The following DRICH1 variants were observed in gnomAD, a reference collection of about 807,000 sequenced individuals.
DRICH1 encodes the protein aspartate-rich protein 1.
DRICH1 carries 38 observed loss-of-function variants against 39.5 expected under a neutral mutation model. That is an observed-to-expected ratio of 0.96 (90% confidence interval 0.74 to 1.26). DRICH1 has a LOEUF of 1.26. Among genes scored for constraint, DRICH1 ranks in the 50% most tolerant of loss-of-function variants. The probability of loss-of-function intolerance (pLI) is 0.00; values close to 1 mark genes in which losing one functional copy is unlikely to be tolerated. For synonymous variants in DRICH1, 84 were observed against 99.5 expected, an observed-to-expected ratio of 0.84 and a Z score of 0.93; for missense variants, 279 against 270.4, an observed-to-expected ratio of 1.03 and a Z score of -0.22.
At chr22:23,622,815 C>G (rs1602345553) in intron 3 of DRICH1, among the ~76,000 whole-genome samples, 1 of 152,170 alleles carries the variant, frequency 6.6e-6, no homozygotes, top group Non-Finnish European at 1.5e-5. Flanking sequence ...CTCTGTGTCA[C>G]TCTCCCTCAG....
At chr22:23,597,361 G>A in the DRICH1 span, among the ~76,000 whole-genome samples, 34 of 147,474 alleles carry the variant, frequency 2.3e-4, 1 homozygote, top group African/African-American at 7.3e-4. Context: ...TCTAAAATTA[G>A]CCGGTCACCT....
At chr22:23,609,882 C>T (rs1224856555) in intron 11 of DRICH1, among the ~76,000 whole-genome samples, 79 of 152,130 alleles carry the variant, frequency 5.2e-4, no homozygotes, top group Non-Finnish European at 2.9e-5. Flanking sequence ...AACATTCTTT[C>T]CTTTCTTGCT....
chr22:23,626,062 G>C lies in DRICH1; in HGVS notation c.209-14C>G. 6.2e-7 allele frequency: 1 copy of C among 1,603,210 alleles called. No individual in the cohort carries two copies. Among genetic ancestry groups the C allele is most frequent in the Admixed American group, 1.7e-5 (1 of 59,686 alleles). ...CCTCAGGGGGACCTAAAAGGACACAGAGTTAATGTCAGTGCCCTGGTGGTT... is the reference window on the plus strand; with the variant it reads ...CCTCAGGGGGACCTAAAAGGACACACAGTTAATGTCAGTGCCCTGGTGGTT... On this transcript the variant is annotated splice_polypyrimidine_tract_variant and intron_variant, in intron 1 of 11. Coordinates refer to ENST00000317749, the MANE Select transcript of DRICH1 (RefSeq NM_016449.4).
In DRICH1 at chr22:23,608,611, G is replaced by C. The variant is rs914945620; in HGVS notation, c.*153C>G. On this transcript the variant is annotated 3_prime_UTR_variant, in exon 12 of 12. Coordinates refer to ENST00000317749, the MANE Select transcript of DRICH1 (RefSeq NM_016449.4). ...CAAACCTAGTGCTGGCGGTGGGTGG[G>C]AAGCAGCCTTGGACTTTTTCTCTCT... 9.2e-6 allele frequency: 7 copies of C among 762,370 alleles called. No homozygotes were observed. The African/African-American group carries it at 1.2e-4, about 13-fold the overall frequency. The allele number at this position is 762,370 out of a possible 1,614,324, so 47.2% of individuals were successfully genotyped here.
chr22:23,613,411 A>T (rs1927161390), intron 10 of DRICH1, 81 bp from the exon 11 acceptor site: 2 of 1,201,908 alleles, frequency 1.7e-6, no homozygotes, highest in Non-Finnish European at 2.5e-6. Flanking sequence ...GCTGAAGCTG[A>T]GTGATGAGCT....
At chr22:23,631,374 C>G (rs1928373498) in intron 1 of DRICH1, among the ~76,000 whole-genome samples, 1 of 151,546 alleles carries the variant, frequency 6.6e-6, no homozygotes, top group Admixed American at 6.6e-5. Flanking sequence ...TGAGATCCCG[C>G]CACTGCACTC....
the DRICH1 span, among the ~76,000 whole-genome samples, chr22:23,591,961 CT>C: frequency 6.6e-6 from 1 of 152,190 alleles, no homozygotes; most frequent in Non-Finnish European, 1.5e-5. Flanking sequence ...AGGCCCTCTG[CT>C]TCCCATGTTA....
At chr22:23,628,275 TACAC>T (rs1928189351) in intron 1 of DRICH1, among the ~76,000 whole-genome samples, 1 of 152,080 alleles carries the variant, frequency 6.6e-6, no homozygotes, top group African/African-American at 2.4e-5. Context: ...GTCCAGTTGA[TACAC>T]ACGTCAGCCA....
chr22:23,628,739 G>T (rs1928220591), intron 1 of DRICH1, among the ~76,000 whole-genome samples: 1 of 152,182 alleles, frequency 6.6e-6, no homozygotes, highest in South Asian at 2.1e-4. Context: ...TCCTGACCCT[G>T]AAGTCCATCC....
chr22:23,598,363 TG>T, the DRICH1 span, among the ~76,000 whole-genome samples: 1 of 149,856 alleles, frequency 6.7e-6, no homozygotes, highest in African/African-American at 2.5e-5. Flanking sequence ...AGGGTCCCCG[TG>T]GGCCTGGCAC....
the DRICH1 span, among the ~76,000 whole-genome samples, chr22:23,592,392 TG>T: frequency 0.57 from 86,294 of 150,652 alleles, 25,059 homozygotes; most frequent in Admixed American, 0.63. Flanking sequence ...GGAGCAAGAC[TG>T]GGGGGGGGCG....
intron 2 of DRICH1, among the ~76,000 whole-genome samples, chr22:23,625,279 G>A (rs1407329549): frequency 2.6e-5 from 4 of 152,106 alleles, no homozygotes; most frequent in Admixed American, 1.3e-4. Flanking sequence ...AATTGTGTAC[G>A]TTGTACATAA....
intron 4 of DRICH1, among the ~76,000 whole-genome samples, chr22:23,621,031 C>T (rs918115519): frequency 3.3e-5 from 5 of 152,092 alleles, no homozygotes; most frequent in African/African-American, 1.2e-4. Flanking sequence ...GTATATAATG[C>T]GCCTTGTCAT....
chr22:23,632,225 G>C lies in DRICH1; in HGVS notation c.-202C>G, dbSNP rs1474134881. The C allele has an allele frequency of 1.2e-6, 1 of 838,882 alleles. No individual in the cohort carries two copies. The highest frequency in any genetic ancestry group is 1.7e-5 in the African/African-American group (1 of 58,202). 52.0% of individuals were successfully genotyped at this position (838,882 alleles called of 1,614,324 possible). ...AGGTCAGGGACCTGCTGTCTTCTTT[G>C]AAAAATAAACGAACATGACAAGCAC... On this transcript the variant is annotated 5_prime_UTR_variant, in exon 1 of 12. An upstream open reading frame in the 5' UTR gains an earlier in-frame stop. Coordinates refer to ENST00000317749, the MANE Select transcript of DRICH1 (RefSeq NM_016449.4).
chr22:23,622,603 GTC>G (rs1927818573), intron 3 of DRICH1, among the ~76,000 whole-genome samples: 1 of 151,102 alleles, frequency 6.6e-6, no homozygotes, highest in Non-Finnish European at 1.5e-5. Flanking sequence ...TTAATTAAAA[GTC>G]TATTTTATTG....
chr22:23,605,667 C>T (rs894315670), downstream of DRICH1, among the ~76,000 whole-genome samples: 2 of 152,142 alleles, frequency 1.3e-5, no homozygotes, highest in African/African-American at 4.8e-5. Context: ...CATTCCTGCC[C>T]TATCCAGAGG....
chr22:23,607,538 C>G (rs9612390), downstream of DRICH1, among the ~76,000 whole-genome samples: 2,626 of 147,442 alleles, frequency 0.018, 36 homozygotes, highest in Non-Finnish European at 0.022. Context: ...CTGGCGGGGG[C>G]GGGGGGGGGC....
chr22:23,606,426 G>A (rs969723323), downstream of DRICH1, among the ~76,000 whole-genome samples: 1 of 152,124 alleles, frequency 6.6e-6, no homozygotes, highest in African/African-American at 2.4e-5. Context: ...TAGAGCCCCA[G>A]GTCCCTTCAA....
At position 23,631,938 on chromosome 22, in the gene DRICH1, T is replaced by C; in HGVS notation, c.86A>G (p.Asp29Gly). ...KDAPCYESDT[D>G]IYETVAAATS... ...TGCAGCAGCCACAGTCTCATAAATATCAGTATCAGATTCATAACAGGGTGC... is the reference window on the plus strand; with the variant it reads ...TGCAGCAGCCACAGTCTCATAAATACCAGTATCAGATTCATAACAGGGTGC... The change falls in exon 1 of 12, where the codon GAT becomes GGT. Residue 29 changes from aspartate (D) to glycine (G), a missense_variant. Asp to Gly is a moderately conservative substitution (Grantham distance 94). Coordinates refer to ENST00000317749, the MANE Select transcript of DRICH1 (RefSeq NM_016449.4). 1 of 1,613,776 alleles carries C rather than the reference T, an allele frequency of 6.2e-7. No homozygotes were observed. Among genetic ancestry groups the C allele is most frequent in the Non-Finnish European group, 8.5e-7 (1 of 1,180,030 alleles).
Sources: allele counts gnomAD v4.1 joint callset (sites outside exome capture counted in the v4.1 genomes callset), GRCh38; gene constraint gnomAD v4.1.1; transcripts MANE v1.5; gene names NCBI Gene and HGNC (gene_info 2026-07-23, HGNC 2026-07-21).